Variants in SYNJ2 observed in about 807,000 individuals in gnomAD.
SYNJ2 encodes polyphosphatidylinositol phosphatase SYNJ2.
Under a neutral mutation model 141.3 loss-of-function variants are expected in SYNJ2, and 116 were observed. The ratio of observed to expected loss-of-function variants is 0.82; its 90% confidence interval spans 0.71 to 0.96. SYNJ2 has a LOEUF of 0.96. SYNJ2 is among the 40% of genes least tolerant of loss of function. The pLI, the probability that SYNJ2 is intolerant of heterozygous loss-of-function variation, is 0.00. For missense variants in SYNJ2, 1,873 were observed against 1,934.8 expected, an observed-to-expected ratio of 0.97 and a Z score of 0.60; for synonymous variants, 745 against 777.7, an observed-to-expected ratio of 0.96 and a Z score of 0.70.
intron 11 of SYNJ2, among the ~76,000 whole-genome samples, chr6:158,066,173 C>G (rs1043438719): frequency 1.3e-5 from 2 of 152,084 alleles, no homozygotes; most frequent in African/African-American, 2.4e-5. Flanking sequence ...GGTCTGATGT[C>G]CCATGGCTTC....
intron 7 of SYNJ2, among the ~76,000 whole-genome samples, chr6:158,060,488 C>A (rs140118855): frequency 6.6e-6 from 1 of 152,210 alleles, no homozygotes; most frequent in African/African-American, 2.4e-5. Context: ...AGAGAGAGCT[C>A]GAAGTCGCCT....
rs910079382 is a variant in SYNJ2, at chr6:157,982,085, C to T, written c.124C>T (p.Leu42=). ...LLFEAGTVAT[L]APEEKEVIKG... ...GTTCGAGGCCGGCACGGTGGCCACGCTGGGTGAGTCCGGGCCGGGGGCAGC... is the reference window on the plus strand; with the variant it reads ...GTTCGAGGCCGGCACGGTGGCCACGTTGGGTGAGTCCGGGCCGGGGGCAGC... Residue 42 remains leucine (L), a synonymous_variant, in exon 1 of 27, where the codon CTG becomes TTG. Transcript: ENST00000355585. This position sits in a 1 kb window ranked among gnomAD's most constrained non-coding sequence, Gnocchi z 4.0. The T allele has an allele frequency of 3.9e-5, 52 of 1,333,846 alleles. No homozygotes were observed. The highest frequency in any genetic ancestry group is 5.0e-5 in the Non-Finnish European group (52 of 1,044,254). The allele number at this position is 1,333,846 out of a possible 1,614,324, so 82.6% of individuals were successfully genotyped here. A position where few individuals can be genotyped will look rare whatever the true frequency, so the allele number is the denominator to read the frequency against.
intron 5 of SYNJ2, among the ~76,000 whole-genome samples, chr6:158,054,203 A>C (rs1165360197): frequency 6.6e-6 from 1 of 151,148 alleles, no homozygotes. Flanking sequence ...CCACTCAGCT[A>C]TTCATCCATC....
Position 158,076,058 on chromosome 6 carries a change from C to T in SYNJ2, c.2293-568C>T, listed in dbSNP as rs575251820. Among the ~76,000 whole-genome samples, 5 of 152,134 alleles carry T rather than the reference C, an allele frequency of 3.3e-5. No homozygotes were observed. The South Asian group carries it at 8.3e-4, about 25-fold the overall frequency. ...CTAAAATTAGCCAGGCATGATGGTG[C>T]GTGCCTGTAGTCCCAGCTACTTGGG... On this transcript the variant is annotated intron_variant, in intron 16 of 26. Transcript: ENST00000355585.
chr6:158,033,856 C>G (rs1390085136), intron 4 of SYNJ2, among the ~76,000 whole-genome samples, 176 bp downstream of exon 4: 2 of 152,242 alleles, frequency 1.3e-5, no homozygotes, highest in African/African-American at 4.8e-5. Context: ...GAAAATGTGA[C>G]CTCTGGTTTG....
At chr6:157,992,841 C>G (rs1777502097) in intron 1 of SYNJ2, among the ~76,000 whole-genome samples, 2 of 152,162 alleles carry the variant, frequency 1.3e-5, no homozygotes, top group Admixed American at 1.3e-4. Context: ...ATCCATTCAT[C>G]TGTTGGTGGA....
chr6:157,990,475 A>G (rs1410083173), intron 1 of SYNJ2, among the ~76,000 whole-genome samples: 2 of 152,088 alleles, frequency 1.3e-5, no homozygotes, highest in Non-Finnish European at 2.9e-5. Flanking sequence ...GGAAATGAAG[A>G]TGCATGTCCC....
At chr6:158,006,203 A>G (rs1194206061) in intron 1 of SYNJ2, among the ~76,000 whole-genome samples, 3 of 151,318 alleles carry the variant, frequency 2.0e-5, no homozygotes, top group Non-Finnish European at 4.4e-5. Context: ...GCACATATGC[A>G]CACGCACACA....
At chr6:157,990,386 G>T (rs1777377484) in intron 1 of SYNJ2, among the ~76,000 whole-genome samples, 1 of 152,184 alleles carries the variant, frequency 6.6e-6, no homozygotes, top group African/African-American at 2.4e-5. Context: ...AGATGGAGTT[G>T]TATGTTTCTA....
At chr6:158,064,001 G>A (rs1781397097) in intron 9 of SYNJ2, 129 bp downstream of exon 9, 3 of 940,608 alleles carry the variant, frequency 3.2e-6, no homozygotes, top group East Asian at 2.6e-5. Context: ...TGACTATGGG[G>A]AAGGTGGACA....
At chr6:158,058,224 G>GT (rs1215519284) in intron 6 of SYNJ2, among the ~76,000 whole-genome samples, 2 of 152,050 alleles carry the variant, frequency 1.3e-5, no homozygotes, top group Non-Finnish European at 2.9e-5. Flanking sequence ...TTTTTCCAGT[G>GT]TTTTTTCTAT....
chr6:158,046,221 C>T (rs1780230202), intron 5 of SYNJ2, among the ~76,000 whole-genome samples: 1 of 152,198 alleles, frequency 6.6e-6, no homozygotes, highest in Non-Finnish European at 1.5e-5. Flanking sequence ...GCTAGGATTA[C>T]AGGCGTGAGC....
intron 5 of SYNJ2, among the ~76,000 whole-genome samples, chr6:158,044,109 G>C (rs1309642612): frequency 6.6e-6 from 1 of 152,220 alleles, no homozygotes; most frequent in African/African-American, 2.4e-5. Flanking sequence ...AGGGGACGTG[G>C]GTGCCTTCAG....
chr6:158,093,436 AAAAAAAAAAAAAAC>A (rs1035073409), intron 26 of SYNJ2, among the ~76,000 whole-genome samples: 5 of 95,790 alleles, frequency 5.2e-5, no homozygotes, highest in African/African-American at 1.5e-4. Flanking sequence ...ACTCCACCTC[AAAAAAAAAAAAAAC>A]AAAAAAAAAA....
intron 2 of SYNJ2, among the ~76,000 whole-genome samples, chr6:158,023,534 G>A (rs1234790373): frequency 6.6e-6 from 1 of 152,122 alleles, no homozygotes; most frequent in Non-Finnish European, 1.5e-5. Flanking sequence ...CACAGGCAGG[G>A]GCAGTTCTAA....
chr6:158,023,123 T>C (rs1301624139), intron 2 of SYNJ2, among the ~76,000 whole-genome samples: 1 of 151,756 alleles, frequency 6.6e-6, no homozygotes, highest in East Asian at 1.9e-4. Context: ...CCAGGAGCGG[T>C]GGTGCACGCC....
chr6:158,098,587 A>C lies in SYNJ2; in HGVS notation c.*2223A>C, dbSNP rs1783905109. The stretch of plus-strand genomic sequence containing the variant: ...ATTGCCTTATTTATTTTTAAAATCA[A>C]TGCTTACTAGTTGGTAGGATTCCCA... On this transcript the variant is annotated 3_prime_UTR_variant, in exon 27 of 27. Coordinates refer to ENST00000355585, the MANE Select transcript of SYNJ2 (RefSeq NM_003898.4). 6.6e-6 allele frequency: 1 copy of C among 152,030 alleles called. No homozygotes were observed. Among genetic ancestry groups the C allele is most frequent in the Admixed American group, 6.5e-5 (1 of 15,272 alleles). 9.4% of individuals were successfully genotyped at this position (152,030 alleles called of 1,614,324 possible). A position where few individuals can be genotyped will look rare whatever the true frequency, so the allele number is the denominator to read the frequency against.
intron 1 of SYNJ2, among the ~76,000 whole-genome samples, chr6:157,989,908 T>TGAG (rs1777352352): frequency 6.6e-6 from 1 of 151,600 alleles, no homozygotes; most frequent in South Asian, 2.1e-4. Context: ...TGGGCTTTTC[T>TGAG]GGGGGGGGCT....
intron 20 of SYNJ2, 126 bp downstream of exon 20, chr6:158,081,636 C>T (rs10214815): frequency 0.14 from 30,956 of 226,080 alleles, 5,582 homozygotes; most frequent in Middle Eastern, 0.19. Flanking sequence ...TTTTTTTTTT[C>T]TCTGAGACAA....
Sources: allele counts gnomAD v4.1 joint callset (sites outside exome capture counted in the v4.1 genomes callset), GRCh38; gene constraint gnomAD v4.1.1; non-coding constraint Gnocchi (gnomAD v3.1); transcripts MANE v1.5; gene names NCBI Gene and HGNC (gene_info 2026-07-23, HGNC 2026-07-21).